The following RPTOR variants were observed in gnomAD, a reference collection of about 807,000 sequenced individuals.
RPTOR encodes regulatory associated protein of MTOR complex 1, also known as regulatory-associated protein of mTOR.
A neutral mutation model predicts 169.9 loss-of-function variants in RPTOR; 21 were observed. The observed-to-expected ratio is 0.12, with a 90% CI of 0.09 to 0.18. The LOEUF is 0.18. Ranked by LOEUF, RPTOR falls within the 10% of genes least tolerant of loss-of-function variation. RPTOR has a pLI of 1.00. For synonymous variants in RPTOR, 732 were observed against 753.2 expected (o/e 0.97, Z 0.46); for missense variants, 1,133 against 1,855.9 (o/e 0.61, Z 7.16).
intron 20 of RPTOR, among the ~76,000 whole-genome samples, chr17:80,908,000 C>T (rs997634331): frequency 6.6e-6 from 1 of 152,214 alleles, no homozygotes; most frequent in Non-Finnish European, 1.5e-5. Flanking sequence ...TGTGCGTTCA[C>T]ATCCTTCATC....
chr17:80,890,546 C>T (rs1427651002), intron 17 of RPTOR, among the ~76,000 whole-genome samples: 1 of 71,750 alleles, frequency 1.4e-5, no homozygotes, highest in South Asian at 4.6e-4. Flanking sequence ...GTGGGAGGGG[C>T]GGGTGGAGGG....
At chr17:80,907,367 G>A (rs2068556600) in intron 20 of RPTOR, among the ~76,000 whole-genome samples, 1 of 152,252 alleles carries the variant, frequency 6.6e-6, no homozygotes, top group South Asian at 2.1e-4. Flanking sequence ...CTCCGCCTCT[G>A]GGTTGAAGCC....
At chr17:80,588,250 C>T (rs2065078655) in intron 1 of RPTOR, among the ~76,000 whole-genome samples, 1 of 151,632 alleles carries the variant, frequency 6.6e-6, no homozygotes, top group Non-Finnish European at 1.5e-5. Context: ...GCAACCTCCG[C>T]CTCTCGGGGT....
At chr17:80,944,826 A>G (rs1370232081) in intron 25 of RPTOR, among the ~76,000 whole-genome samples, 1 of 152,142 alleles carries the variant, frequency 6.6e-6, no homozygotes, top group Non-Finnish European at 1.5e-5. Flanking sequence ...CCCCGTCTCT[A>G]CTAAAAATAC....
rs926969307 is a variant in RPTOR, at chr17:80,562,667, C to G, written c.162+16876C>G. Among the ~76,000 whole-genome samples the G allele has an allele frequency of 7.9e-5, 12 of 152,080 alleles. No individual in the cohort carries two copies. Among genetic ancestry groups the G allele is most frequent in the African/African-American group, 2.7e-4 (11 of 41,406 alleles). ...GGTGTGGTGACGCACACCTGTAATC[C>G]CAGCTACTAAGGAGGCTGAGGCAGG... On this transcript the variant is annotated intron_variant, in intron 1 of 33. Transcript: ENST00000306801. The surrounding 1 kb of genome is among the most constrained non-coding windows in gnomAD (Gnocchi z 4.4).
chr17:80,780,897 G>C (rs1047660636), intron 6 of RPTOR, among the ~76,000 whole-genome samples: 1 of 152,156 alleles, frequency 6.6e-6, no homozygotes, highest in Non-Finnish European at 1.5e-5. Context: ...TGCATTGAGC[G>C]TGCGCTCTCA....
chr17:80,648,219 C>G (rs755883223), intron 3 of RPTOR, among the ~76,000 whole-genome samples: 2 of 152,088 alleles, frequency 1.3e-5, no homozygotes, highest in Non-Finnish European at 2.9e-5. Context: ...TGAACCGAAG[C>G]TGATGACTAT....
chr17:80,665,334 TTTCC>T, intron 3 of RPTOR, among the ~76,000 whole-genome samples: 4 of 328 alleles, frequency 0.012, no homozygotes, highest in African/African-American at 0.038. Flanking sequence ...TTCTTTTCCC[TTTCC>T]TTTCCTTTCC....
chr17:80,590,482 A>G (rs1474071556), intron 1 of RPTOR, among the ~76,000 whole-genome samples: 3 of 149,822 alleles, frequency 2.0e-5, no homozygotes, highest in Non-Finnish European at 2.9e-5. Context: ...GCATGCAGGT[A>G]TGCGCACATG....
chr17:80,879,092 G>A (rs574110664), intron 13 of RPTOR, among the ~76,000 whole-genome samples: 32 of 152,178 alleles, frequency 2.1e-4, no homozygotes, highest in African/African-American at 3.1e-4. Flanking sequence ...TGCGCGCCCC[G>A]GAGCAGCCCT....
Position 80,744,403 on chromosome 17 carries a change from C to CTACTAGCACTGTCCTGGT in RPTOR, c.655-9598_655-9597insTGTCCTGGTTACTAGCAC, listed in dbSNP as rs1567888624. On this transcript the variant is annotated intron_variant, in intron 5 of 33. Coordinates refer to ENST00000306801, the MANE Select transcript of RPTOR (RefSeq NM_020761.3). ...GCCCTGGTTACGAGCACTGTCCTGG[C>CTACTAGCACTGTCCTGGT]TACTAGCACAGCCCTGGCTACTAGC... Among the ~76,000 whole-genome samples, 7 of 22,644 alleles carry CTACTAGCACTGTCCTGGT rather than the reference C, an allele frequency of 3.1e-4. 2 individuals are homozygous for CTACTAGCACTGTCCTGGT. The highest frequency in any genetic ancestry group is 4.7e-4 in the Non-Finnish European group (6 of 12,826). The allele number at this position is 22,644 out of a possible 152,430, so 14.9% of individuals were successfully genotyped here. A position where few individuals can be genotyped will look rare whatever the true frequency, so the allele number is the denominator to read the frequency against.
intron 3 of RPTOR, among the ~76,000 whole-genome samples, chr17:80,677,761 G>T (rs1361925323): frequency 1.4e-5 from 2 of 142,132 alleles, no homozygotes; most frequent in Non-Finnish European, 3.0e-5. Flanking sequence ...CCTTACAAAA[G>T]AATAACAAAA....
intron 3 of RPTOR, among the ~76,000 whole-genome samples, chr17:80,671,250 T>C (rs1598208925): frequency 6.6e-6 from 1 of 152,196 alleles, no homozygotes; most frequent in East Asian, 1.9e-4. Context: ...GCCGATGGCC[T>C]TTCCTCCAGG....
At chr17:80,602,700 C>T (rs1219310553) in intron 1 of RPTOR, 2 of 749,918 alleles carry the variant, frequency 2.7e-6, no homozygotes, top group Admixed American at 1.7e-5. Context: ...ATTCCTTATT[C>T]CTTTGGCCCA....
intron 10 of RPTOR, among the ~76,000 whole-genome samples, chr17:80,843,591 G>C (rs1035509148): frequency 2.6e-5 from 4 of 151,934 alleles, no homozygotes; most frequent in African/African-American, 9.7e-5. Context: ...CCGTACAGGG[G>C]GGTAGAATGT....
At chr17:80,555,949 G>C (rs905555773) in intron 1 of RPTOR, among the ~76,000 whole-genome samples, 2 of 152,156 alleles carry the variant, frequency 1.3e-5, no homozygotes, top group Admixed American at 6.6e-5. Context: ...AGAAGCCCTG[G>C]GGGCTGGGCG....
chr17:80,760,639 A>T (rs2066727551), intron 6 of RPTOR, among the ~76,000 whole-genome samples: 1 of 152,194 alleles, frequency 6.6e-6, no homozygotes, highest in African/African-American at 2.4e-5. Context: ...GCAGTTGGCC[A>T]GATTTGGCCC....
chr17:80,667,816 G>A (rs2143670880), intron 3 of RPTOR, among the ~76,000 whole-genome samples: 1 of 152,316 alleles, frequency 6.6e-6, no homozygotes, highest in African/African-American at 2.4e-5. Flanking sequence ...TGGTGTAATT[G>A]TGATTGTGAT....
Position 80,820,648 on chromosome 17 carries a change from AGGCAGCCT to A in RPTOR, c.891-1549_891-1542del, listed in dbSNP as rs1181547423. 2.6e-5 allele frequency among the ~76,000 whole-genome samples: 4 copies of A among 152,218 alleles called. No homozygotes were observed. Among genetic ancestry groups the A allele is most frequent in the Non-Finnish European group, 4.4e-5 (3 of 68,040 alleles). ...CTCCCCTGCTCGGAGGTCGGAGGGCAGGCAGCCTGGCCATTCCTCCTGCGCACAGTGGA... is the reference window on the plus strand; with the variant it reads ...CTCCCCTGCTCGGAGGTCGGAGGGCAGGCCATTCCTCCTGCGCACAGTGGA... On this transcript the variant is annotated intron_variant, in intron 7 of 33. Transcript: ENST00000306801. The surrounding 1 kb of genome is among the most constrained non-coding windows in gnomAD (Gnocchi z 4.1).
Sources: allele counts gnomAD v4.1 joint callset (sites outside exome capture counted in the v4.1 genomes callset), GRCh38; gene constraint gnomAD v4.1.1; non-coding constraint Gnocchi (gnomAD v3.1); transcripts MANE v1.5; gene names NCBI Gene and HGNC (gene_info 2026-07-23, HGNC 2026-07-21).